PCSK2: variants seen among roughly 807,000 people sequenced by gnomAD.
The protein encoded by PCSK2 is neuroendocrine convertase 2.
Under a neutral mutation model 69.7 loss-of-function variants are expected in PCSK2, and 14 were observed. That is an observed-to-expected ratio of 0.20 (90% CI 0.13 to 0.31). PCSK2 has a LOEUF of 0.31. PCSK2 is among the 10% of genes least tolerant of loss of function. PCSK2 has a pLI of 1.00. For synonymous variants in PCSK2, 307 were observed against 320.7 expected, an observed-to-expected ratio of 0.96 and a Z score of 0.46; for missense variants, 544 against 842.5, an observed-to-expected ratio of 0.65 and a Z score of 4.39.
rs376216966 is a variant in PCSK2 at position 17,366,063 on chromosome 20, G to A, written c.506-3177G>A. Among the ~76,000 whole-genome samples the A allele has an allele frequency of 8.5e-5, 13 of 152,294 alleles. No homozygotes were observed. In the East Asian group the frequency reaches 2.1e-3, roughly 25 times the overall value. ...GTCTTAGTGGGGGTTTTCTATGGTA[G>A]CCCCACCCCATGGCAGTTCTCTGCC... On this transcript the variant is annotated intron_variant, in intron 4 of 11. Transcript: ENST00000262545.
intron 5 of PCSK2, among the ~76,000 whole-genome samples, chr20:17,377,151 G>T (rs2030951047): frequency 1.3e-5 from 2 of 152,286 alleles, no homozygotes; most frequent in Non-Finnish European, 2.9e-5. Flanking sequence ...TTTCTTTAAT[G>T]TCTAGAATCC....
intron 1 of PCSK2, among the ~76,000 whole-genome samples, chr20:17,229,413 T>A (rs1318516435): frequency 1.4e-5 from 2 of 147,072 alleles, no homozygotes; most frequent in Non-Finnish European, 3.0e-5. Flanking sequence ...TCCCTCCCCC[T>A]CCCCCACACC....
At chr20:17,359,290 A>G (rs1848946678) in intron 3 of PCSK2, among the ~76,000 whole-genome samples, 1 of 152,210 alleles carries the variant, frequency 6.6e-6, no homozygotes, top group Admixed American at 6.5e-5. Context: ...TTGGCATGGA[A>G]GTCCGAAAAT....
chr20:17,291,342 T>A (rs776124338), intron 2 of PCSK2, among the ~76,000 whole-genome samples: 10 of 152,198 alleles, frequency 6.6e-5, no homozygotes, highest in Non-Finnish European at 1.5e-4. Flanking sequence ...TAGACCTTTC[T>A]TATTAGTACA....
chr20:17,349,415 C>A (rs1197490276), intron 2 of PCSK2, among the ~76,000 whole-genome samples: 1 of 152,220 alleles, frequency 6.6e-6, no homozygotes, highest in Admixed American at 6.5e-5. Flanking sequence ...CGAAACTTCC[C>A]AGCCCTGCCT....
chr20:17,292,755 G>A (rs1369560230), intron 2 of PCSK2, among the ~76,000 whole-genome samples: 1 of 152,010 alleles, frequency 6.6e-6, no homozygotes, highest in African/African-American at 2.4e-5. Flanking sequence ...ATGTCCTGTA[G>A]GTCTAGTCTC....
chr20:17,298,956 C>G (rs1264071375), intron 2 of PCSK2, among the ~76,000 whole-genome samples: 1 of 152,114 alleles, frequency 6.6e-6, no homozygotes, highest in East Asian at 1.9e-4. Flanking sequence ...GTCTATGATG[C>G]AATACTTTTA....
At chr20:17,379,361 AC>A (rs1442278277) in intron 5 of PCSK2, among the ~76,000 whole-genome samples, 3 of 152,230 alleles carry the variant, frequency 2.0e-5, no homozygotes, top group African/African-American at 7.2e-5. Context: ...TGGAGACCAA[AC>A]GTCTGATCCA....
chr20:17,300,730 T>G (rs1268959281), intron 2 of PCSK2, among the ~76,000 whole-genome samples: 1 of 152,224 alleles, frequency 6.6e-6, no homozygotes, highest in Non-Finnish European at 1.5e-5. Flanking sequence ...TAGAAAGGTT[T>G]TAAACAATAA....
intron 2 of PCSK2, among the ~76,000 whole-genome samples, chr20:17,310,958 C>T (rs988968898): frequency 6.8e-6 from 1 of 147,318 alleles, no homozygotes; most frequent in Non-Finnish European, 1.5e-5. Context: ...GCCAAGATCG[C>T]ACCACTGCAC....
intron 2 of PCSK2, among the ~76,000 whole-genome samples, chr20:17,309,923 A>C (rs1368578016): frequency 2.0e-5 from 3 of 146,446 alleles, no homozygotes; most frequent in Non-Finnish European, 3.0e-5. Flanking sequence ...GGGAAGGGGA[A>C]GGGGAAGGGG....
At chr20:17,315,286 T>G (rs1989647572) in intron 2 of PCSK2, among the ~76,000 whole-genome samples, 1 of 151,564 alleles carries the variant, frequency 6.6e-6, no homozygotes, top group Non-Finnish European at 1.5e-5. Flanking sequence ...TGGGAGGGGT[T>G]GGCCAGAGAG....
chr20:17,466,653 TTTA>T (rs2033106236), intron 11 of PCSK2, among the ~76,000 whole-genome samples: 2 of 152,210 alleles, frequency 1.3e-5, no homozygotes, highest in East Asian at 3.8e-4. Flanking sequence ...GATAGTAATT[TTTA>T]TTATTATCAC....
At chr20:17,291,614 C>CCAAT (rs1988696466) in intron 2 of PCSK2, among the ~76,000 whole-genome samples, 1 of 152,146 alleles carries the variant, frequency 6.6e-6, no homozygotes, top group Non-Finnish European at 1.5e-5. Flanking sequence ...ATGGATGCTA[C>CCAAT]CAATTGTCCT....
At position 17,397,766 on chromosome 20, in the gene PCSK2, C is replaced by T. The variant is rs528656084; in HGVS notation, c.544-11497C>T. Among the ~76,000 whole-genome samples, 4 of 152,216 alleles carry T rather than the reference C, an allele frequency of 2.6e-5. No homozygotes were observed. The East Asian group carries it at 7.7e-4, about 29-fold the overall frequency. ...TGCTGGGATTACAAGTGTGAGCCGC[C>T]GCCCCCGGCCAAATTCAATAATATT... On this transcript the variant is annotated intron_variant, in intron 5 of 11. Transcript: ENST00000262545.
intron 10 of PCSK2, among the ~76,000 whole-genome samples, chr20:17,460,915 C>T (rs1386523640): frequency 6.6e-6 from 1 of 152,174 alleles, no homozygotes; most frequent in Admixed American, 6.5e-5. Flanking sequence ...TGCAACAAAC[C>T]TATAAGGCCT....
At chr20:17,464,462 G>T (rs1273171670) in intron 10 of PCSK2, 1 of 152,016 alleles carries the variant, frequency 6.6e-6, no homozygotes. Flanking sequence ...TTGAAGAACT[G>T]GTACCCTCCT....
At chr20:17,337,405 T>C (rs1600502382) in intron 2 of PCSK2, among the ~76,000 whole-genome samples, 2 of 152,238 alleles carry the variant, frequency 1.3e-5, no homozygotes, top group Non-Finnish European at 2.9e-5. Context: ...AAGGTCTTAC[T>C]GGGTCAGGTT....
At chr20:17,296,177 G>A (rs902041456) in intron 2 of PCSK2, among the ~76,000 whole-genome samples, 1 of 152,184 alleles carries the variant, frequency 6.6e-6, no homozygotes, top group Non-Finnish European at 1.5e-5. Context: ...AGCAAAGCAG[G>A]CTCCCTTGGG....
Sources: allele counts gnomAD v4.1 joint callset (sites outside exome capture counted in the v4.1 genomes callset), GRCh38; gene constraint gnomAD v4.1.1; transcripts MANE v1.5; gene names NCBI Gene and HGNC (gene_info 2026-07-23, HGNC 2026-07-21).